ANKRD33B: variants seen among roughly 807,000 people sequenced by gnomAD.
ANKRD33B encodes the protein ankyrin repeat domain-containing protein 33B.
A neutral mutation model predicts 21.5 loss-of-function variants in ANKRD33B; 6 were observed. That is an observed-to-expected ratio of 0.28 (90% CI 0.15 to 0.55). ANKRD33B has a LOEUF of 0.55. Among genes scored for constraint, ANKRD33B ranks in the 20% least tolerant of loss-of-function variants. ANKRD33B has a pLI of 0.94. For missense variants in ANKRD33B, 698 were observed against 747.2 expected (o/e 0.93, Z 0.77); for synonymous variants, 347 against 342.4 (o/e 1.01, Z -0.15).
At chr5:10,630,227 T>C (rs543784025) in intron 2 of ANKRD33B, among the ~76,000 whole-genome samples, 3 of 152,344 alleles carry the variant, frequency 2.0e-5, no homozygotes, top group African/African-American at 7.2e-5. Context: ...AAACTGTCCT[T>C]GCTCAAGTCT....
chr5:10,648,849 G>T (rs1335806963), intron 3 of ANKRD33B, among the ~76,000 whole-genome samples: 1 of 152,134 alleles, frequency 6.6e-6, no homozygotes, highest in Non-Finnish European at 1.5e-5. Context: ...AGGCAGGTTG[G>T]GCTGGGCACG....
At chr5:10,594,162 T>G (rs75996988) in intron 1 of ANKRD33B, among the ~76,000 whole-genome samples, 2 of 120,072 alleles carry the variant, frequency 1.7e-5, no homozygotes, top group African/African-American at 4.4e-5. Flanking sequence ...ATCATGTATT[T>G]ATTGATTGAT....
At chr5:10,612,591 A>G (rs1043320150) in intron 1 of ANKRD33B, among the ~76,000 whole-genome samples, 13 of 152,252 alleles carry the variant, frequency 8.5e-5, no homozygotes, top group Non-Finnish European at 1.8e-4. Flanking sequence ...CTGCCCGAGT[A>G]TTCTTGCATT....
chr5:10,569,979 C>T lies in ANKRD33B; in HGVS notation c.366+5146C>T, dbSNP rs188396420. 1.3e-3 allele frequency among the ~76,000 whole-genome samples: 200 copies of T among 152,314 alleles called. 1 individual carries two copies. The highest frequency in any genetic ancestry group is 4.5e-3 in the African/African-American group (187 of 41,570). Reference sequence around the variant, plus strand: ...GCAACCTCCGTCTCCCAGGTTCAAGCGATTCTCCCGACTCAGCCTCCTGAG... The same window carrying T: ...GCAACCTCCGTCTCCCAGGTTCAAGTGATTCTCCCGACTCAGCCTCCTGAG... On this transcript the variant is annotated intron_variant, in intron 1 of 3. Transcript: ENST00000296657.
intron 2 of ANKRD33B, among the ~76,000 whole-genome samples, chr5:10,637,425 G>GACACAAACACAC (rs1736895512): frequency 1.0e-5 from 1 of 100,334 alleles, no homozygotes; most frequent in African/African-American, 4.4e-5. Context: ...TAGGTAGTTA[G>GACACAAACACAC]ACACACACAC....
chr5:10,592,670 C>T (rs1275704712), intron 1 of ANKRD33B, among the ~76,000 whole-genome samples: 1 of 151,668 alleles, frequency 6.6e-6, no homozygotes, highest in Non-Finnish European at 1.5e-5. Flanking sequence ...TAGAATCCTG[C>T]AGATGAGCTT....
At chr5:10,568,505 A>T (rs1735107125) in intron 1 of ANKRD33B, among the ~76,000 whole-genome samples, 1 of 152,130 alleles carries the variant, frequency 6.6e-6, no homozygotes, top group African/African-American at 2.4e-5. Flanking sequence ...AAAATACTGC[A>T]CTCCTGTCCT....
intron 1 of ANKRD33B, among the ~76,000 whole-genome samples, chr5:10,574,028 C>T (rs1002142254): frequency 2.6e-5 from 4 of 152,254 alleles, no homozygotes; most frequent in South Asian, 4.1e-4. Context: ...ATGCTCTTCA[C>T]GTCTGTGTGG....
chr5:10,600,218 C>T (rs1735900988), intron 1 of ANKRD33B, among the ~76,000 whole-genome samples: 1 of 152,204 alleles, frequency 6.6e-6, no homozygotes, highest in Non-Finnish European at 1.5e-5. Context: ...GTGAAATGCA[C>T]AACTCTTAAG....
chr5:10,605,040 A>G (rs1375783271), intron 1 of ANKRD33B, among the ~76,000 whole-genome samples: 1 of 152,242 alleles, frequency 6.6e-6, no homozygotes, highest in East Asian at 1.9e-4. Flanking sequence ...GACTGAGGCC[A>G]CAGGGTCCTC....
chr5:10,630,141 G>A (rs1489598263), intron 2 of ANKRD33B, among the ~76,000 whole-genome samples: 2 of 152,212 alleles, frequency 1.3e-5, no homozygotes, highest in African/African-American at 4.8e-5. Context: ...TTATTGCTGT[G>A]TAACAAACAA....
intron 1 of ANKRD33B, among the ~76,000 whole-genome samples, chr5:10,610,279 A>C (rs774623876): frequency 6.6e-6 from 1 of 152,144 alleles, no homozygotes; most frequent in Non-Finnish European, 1.5e-5. Flanking sequence ...TCCTGGGGCA[A>C]TTTTGCCTCC....
intron 3 of ANKRD33B, among the ~76,000 whole-genome samples, chr5:10,640,341 A>G (rs1011602969): frequency 1.3e-5 from 2 of 152,186 alleles, no homozygotes; most frequent in Non-Finnish European, 2.9e-5. Context: ...CATCTGTGAA[A>G]TGGGAGTAAT....
At chr5:10,633,982 G>C (rs1412754493) in intron 2 of ANKRD33B, among the ~76,000 whole-genome samples, 1 of 152,186 alleles carries the variant, frequency 6.6e-6, no homozygotes, top group South Asian at 2.1e-4. Flanking sequence ...GGGTTAAGGA[G>C]GGGGGAACAC....
chr5:10,579,187 T>C (rs1363579231), intron 1 of ANKRD33B, among the ~76,000 whole-genome samples: 2 of 148,364 alleles, frequency 1.3e-5, no homozygotes, highest in Non-Finnish European at 3.0e-5. Context: ...AAAAAGATAC[T>C]CTCTCCTTTT....
chr5:10,638,978 G>A (rs75012859), intron 3 of ANKRD33B, among the ~76,000 whole-genome samples: 2 of 77,458 alleles, frequency 2.6e-5, no homozygotes, highest in Non-Finnish European at 4.9e-5. Context: ...CGATGTTAGC[G>A]GGTGACGCGG....
intron 3 of ANKRD33B, among the ~76,000 whole-genome samples, chr5:10,643,254 G>A (rs1347570490): frequency 6.6e-6 from 1 of 152,020 alleles, no homozygotes; most frequent in East Asian, 1.9e-4. Context: ...ATAATTCTTT[G>A]TTGTGGGGGC....
chr5:10,632,567 A>C (rs1736750955), intron 2 of ANKRD33B, among the ~76,000 whole-genome samples: 1 of 150,426 alleles, frequency 6.6e-6, no homozygotes, highest in East Asian at 2.0e-4. Flanking sequence ...TGAATCAAGC[A>C]CTCCTCTCCC....
intron 1 of ANKRD33B, among the ~76,000 whole-genome samples, chr5:10,569,270 G>A (rs1468473648): frequency 6.6e-6 from 1 of 152,120 alleles, no homozygotes; most frequent in African/African-American, 2.4e-5. Flanking sequence ...GTATGCTTGC[G>A]GAGGGCCTGC....
Sources: gnomAD v4.1 joint callset for allele counts (sites outside exome capture counted in the v4.1 genomes callset) on GRCh38, gnomAD v4.1.1 for gene constraint, MANE v1.5 for transcripts, NCBI Gene and HGNC (gene_info 2026-07-23, HGNC 2026-07-21) for gene names.